DNAH8: variants seen among roughly 807,000 people sequenced by gnomAD.
The protein encoded by DNAH8 is dynein axonemal heavy chain 8, also known as axonemal beta dynein heavy chain 8.
In DNAH8, 382 loss-of-function variants were observed where a neutral mutation model predicts 562.1. The ratio of observed to expected loss-of-function variants is 0.68; its 90% CI spans 0.63 to 0.74. The LOEUF (loss-of-function observed/expected upper bound fraction) is 0.74, where lower values mean the gene tolerates loss of function less well. Ranked by LOEUF, DNAH8 falls within the 30% of genes least tolerant of loss-of-function variation. DNAH8 has a pLI of 0.00. For synonymous variants in DNAH8, 1,881 were observed against 1,919.4 expected (o/e 0.98, Z 0.52); for missense variants, 5,203 against 5,620.4 (o/e 0.93, Z 2.37).
chr6:38,835,176 A>G (rs1175655841), intron 32 of DNAH8, among the ~76,000 whole-genome samples: 2 of 152,152 alleles, frequency 1.3e-5, no homozygotes, highest in African/African-American at 4.8e-5. Flanking sequence ...TTGCAAATTC[A>G]TGGATTCCTA....
intron 88 of DNAH8, among the ~76,000 whole-genome samples, chr6:39,003,332 T>A (rs879799439): frequency 2.6e-5 from 4 of 152,210 alleles, no homozygotes; most frequent in Non-Finnish European, 5.9e-5. Context: ...CTGAAATATT[T>A]GTCCCTGATT....
chr6:38,832,667 C>T (rs749024452), intron 31 of DNAH8, among the ~76,000 whole-genome samples: 36 of 152,274 alleles, frequency 2.4e-4, no homozygotes, highest in Middle Eastern at 3.4e-3. Context: ...ACATAAAATA[C>T]GCTAACACTA....
chr6:38,727,386 G>A (rs1763310933), intron 3 of DNAH8, among the ~76,000 whole-genome samples: 1 of 152,222 alleles, frequency 6.6e-6, no homozygotes, highest in Non-Finnish European at 1.5e-5. Context: ...TTCAGCCACT[G>A]GGAGGCACAG....
At chr6:39,011,242 G>A (rs1354905067) in intron 89 of DNAH8, among the ~76,000 whole-genome samples, 1 of 152,152 alleles carries the variant, frequency 6.6e-6, no homozygotes, top group Non-Finnish European at 1.5e-5. Context: ...TATAAAAGGA[G>A]GAGAATGGTT....
At chr6:39,023,968 A>T (rs1306437147) in intron 91 of DNAH8, among the ~76,000 whole-genome samples, 1 of 152,276 alleles carries the variant, frequency 6.6e-6, no homozygotes, top group African/African-American at 2.4e-5. Flanking sequence ...TCAGCTGCCC[A>T]ACATCATTCC....
Position 38,734,326 on chromosome 6 carries a change from A to AC in DNAH8, c.611-139dup, listed in dbSNP as rs35685371. 0.013 allele frequency: 5,638 copies of AC among 449,994 alleles called. 262 individuals carry two copies. The highest frequency in any genetic ancestry group is 0.1 in the East Asian group (818 of 8,074). The allele number at this position is 449,994 out of a possible 1,614,324, so 27.9% of individuals were successfully genotyped here. ...TGTAATTATTGGCATCTTCTAGTAG[A>AC]CCCCCCCCCAAAAAAATTATTCTAT... On this transcript the variant is annotated intron_variant, in intron 4 of 92. Transcript: ENST00000327475.
At chr6:38,949,393 T>C in intron 80 of DNAH8, 59 bp from the exon 81 acceptor site, 1 of 1,041,860 alleles carries the variant, frequency 9.6e-7, no homozygotes, top group Non-Finnish European at 1.5e-6. Context: ...CAGAATCCTT[T>C]GTAATATATT....
At chr6:38,918,605 A>G (rs1781478373) in intron 70 of DNAH8, among the ~76,000 whole-genome samples, 1 of 152,216 alleles carries the variant, frequency 6.6e-6, no homozygotes, top group Non-Finnish European at 1.5e-5. Context: ...TACAAAAGAC[A>G]AATCAAGATG....
At chr6:38,845,377 G>A (rs189321523) in intron 35 of DNAH8, among the ~76,000 whole-genome samples, 197 bp from the exon 36 acceptor site, 2 of 152,238 alleles carry the variant, frequency 1.3e-5, no homozygotes, top group Admixed American at 6.5e-5. Flanking sequence ...AGTAGTCGGC[G>A]ATTAGTAAAT....
Position 38,911,570 on chromosome 6 carries a change from T to G in DNAH8, c.9843T>G (p.Ala3281=). 1 of 1,598,418 alleles carries G rather than the reference T, an allele frequency of 6.3e-7. No individual in the cohort carries two copies. Among genetic ancestry groups the G allele is most frequent in the Non-Finnish European group, 8.6e-7 (1 of 1,165,754 alleles). Residue 3281 remains alanine, a synonymous_variant, in exon 66 of 93, where the codon GCT becomes GCG. Transcript: ENST00000327475. ...AGGTGAAGTTCATTAATGAACAGGC[T>G]GAACGTATGAATATTGGTAAGAGGA... ...AEKVKFINEQ[A]ERMNIGLDKL...
At chr6:38,981,862 T>A (rs986438450) in intron 85 of DNAH8, among the ~76,000 whole-genome samples, 2 of 152,244 alleles carry the variant, frequency 1.3e-5, no homozygotes, top group African/African-American at 4.8e-5. Context: ...GAAGTAATAT[T>A]TCTAATATGG....
At chr6:38,913,461 C>A (rs1781060838) in intron 66 of DNAH8, among the ~76,000 whole-genome samples, 1 of 152,152 alleles carries the variant, frequency 6.6e-6, no homozygotes. Context: ...AATATATTTT[C>A]TATTTCATTT....
At chr6:38,927,183 GA>G (rs1370056982) in intron 74 of DNAH8, among the ~76,000 whole-genome samples, 2 of 152,192 alleles carry the variant, frequency 1.3e-5, no homozygotes, top group African/African-American at 4.8e-5. Context: ...TGATGAATAT[GA>G]AAAGAAGCAC....
rs191152596 is a variant in DNAH8, at chr6:38,771,953, G to A, written c.1764+1394G>A. 3.3e-5 allele frequency among the ~76,000 whole-genome samples: 5 copies of A among 151,292 alleles called. No homozygotes were observed. In the East Asian group the frequency reaches 9.7e-4, roughly 29 times the overall value. On this transcript the variant is annotated intron_variant, in intron 12 of 92. Transcript: ENST00000327475. ...ATGGCAAATCCATGTTTAACTTTTT[G>A]TTGATAACCCCAACTATTTGCCAAA... is the stretch of plus-strand genomic sequence containing the variant.
rs564510109 is a variant in DNAH8 at position 38,992,619 on chromosome 6, C to T, written c.13214+2447C>T. Among the ~76,000 whole-genome samples the T allele has an allele frequency of 3.3e-5, 5 of 152,220 alleles. No homozygotes were observed. In the East Asian group the frequency reaches 7.7e-4, roughly 24 times the overall value. On this transcript the variant is annotated intron_variant, in intron 88 of 92. Coordinates refer to ENST00000327475, the MANE Select transcript of DNAH8 (RefSeq NM_001206927.2). ...TCCTTGACAAGAGACTGGGGAGTCA[C>T]GAGAGCTGGTTCCTGGATAATCCAC...
Position 38,872,646 on chromosome 6 carries a change from G to T in DNAH8, c.7101G>T (p.Arg2367Ser), listed in dbSNP as rs756796684. ...TGAAGGCGCAAACAGAATGCGGAAG[G>T]CCTCATAGAGAAATGCGAATGAATC... is the stretch of plus-strand genomic sequence containing the variant. ...ILMKAQTECG[R>S]PHREMRMNPK... Residue 2367 changes from arginine (R) to serine (S), a missense_variant, in exon 50 of 93, where the codon AGG (arginine) becomes AGT (serine). Transcript: ENST00000327475. 4 of 1,614,096 alleles carry T rather than the reference G, an allele frequency of 2.5e-6. No individual in the cohort carries two copies. The highest frequency in any genetic ancestry group is 3.4e-6 in the Non-Finnish European group (4 of 1,179,986).
intron 12 of DNAH8, among the ~76,000 whole-genome samples, chr6:38,772,821 T>C (rs1024435231): frequency 6.6e-6 from 1 of 151,394 alleles, no homozygotes; most frequent in African/African-American, 2.4e-5. Flanking sequence ...CATTTTTATT[T>C]ATTAAATTAA....
In DNAH8 at chr6:38,775,274, CAG is replaced by C. The variant is rs141210109; in HGVS notation, c.1765-479_1765-478del. ...ACTGTGAGGGTTTCCCAGGTCTCAT[CAG>C]GGGTCAGGAATGATTGCTGCCATTA... is the stretch of plus-strand genomic sequence containing the variant. On this transcript the variant is annotated intron_variant, in intron 12 of 92. Transcript: ENST00000327475. Among the ~76,000 whole-genome samples, 404 of 152,254 alleles carry C rather than the reference CAG, an allele frequency of 2.7e-3. 4 individuals carry two copies. The South Asian group carries it at 0.038, about 14-fold the overall frequency.
At chr6:38,808,124 A>G (rs989019513) in intron 24 of DNAH8, among the ~76,000 whole-genome samples, 2 of 152,188 alleles carry the variant, frequency 1.3e-5, no homozygotes, top group Non-Finnish European at 2.9e-5. Flanking sequence ...AGTTTTTTAC[A>G]CTTCTATGTA....
Sources: gnomAD v4.1 joint callset for allele counts (sites outside exome capture counted in the v4.1 genomes callset) on GRCh38, gnomAD v4.1.1 for gene constraint, MANE v1.5 for transcripts, NCBI Gene and HGNC (gene_info 2026-07-23, HGNC 2026-07-21) for gene names.